Variants in KLHL1 observed in about 807,000 individuals in gnomAD.
KLHL1 encodes the protein kelch like family member 1.
KLHL1 carries 47 observed loss-of-function variants against 77.7 expected under a neutral mutation model. That is an observed-to-expected ratio of 0.60 (90% CI 0.48 to 0.77). The LOEUF is 0.77. Among genes scored for constraint, KLHL1 ranks in the 30% least tolerant of loss-of-function variants. KLHL1 has a pLI of 0.00. For missense variants in KLHL1, 925 were observed against 910.8 expected, an observed-to-expected ratio of 1.02 and a Z score of -0.20; for synonymous variants, 360 against 325.2, an observed-to-expected ratio of 1.11 and a Z score of -1.15.
intron 9 of KLHL1, among the ~76,000 whole-genome samples, chr13:69,710,745 T>A (rs953061673): frequency 9.2e-5 from 14 of 152,156 alleles, no homozygotes; most frequent in African/African-American, 3.4e-4. Context: ...TTTCAGGTTA[T>A]GTTTCTGAAA....
chr13:69,813,504 A>ACACACT lies in KLHL1; in HGVS notation c.1415-16543_1415-16542insAGTGTG, dbSNP rs756518161. Among the ~76,000 whole-genome samples the ACACACT allele has an allele frequency of 3.9e-4, 54 of 137,448 alleles. 1 individual carries two copies. The South Asian group carries it at 0.011, about 29-fold the overall frequency. 90.2% of individuals were successfully genotyped at this position (137,448 alleles called of 152,430 possible). On this transcript the variant is annotated intron_variant, in intron 6 of 10. Coordinates refer to ENST00000377844, the MANE Select transcript of KLHL1 (RefSeq NM_020866.3). ...CATACACACACACACACACACACAC[A>ACACACT]TATATATATATATAAAGACCCTAGA...
chr13:69,946,494 A>C (rs77326710), intron 3 of KLHL1, among the ~76,000 whole-genome samples: 1 of 116,714 alleles, frequency 8.6e-6, no homozygotes, highest in Non-Finnish European at 1.6e-5. Context: ...GAGGATTGTG[A>C]TTTTTTTTCT....
intron 2 of KLHL1, among the ~76,000 whole-genome samples, chr13:69,965,966 A>G (rs1408266656): frequency 2.0e-5 from 3 of 152,198 alleles, no homozygotes; most frequent in Non-Finnish European, 2.9e-5. Context: ...GTTTAGGGAA[A>G]GAAGTCTTCT....
At chr13:70,009,323 G>A (rs1885476739) in intron 1 of KLHL1, among the ~76,000 whole-genome samples, 2 of 152,140 alleles carry the variant, frequency 1.3e-5, no homozygotes, top group African/African-American at 4.8e-5. Context: ...CTTCTTGGAG[G>A]ACAGTATTCA....
intron 7 of KLHL1, among the ~76,000 whole-genome samples, chr13:69,787,479 C>G (rs1159327367): frequency 6.6e-6 from 1 of 152,144 alleles, no homozygotes; most frequent in Non-Finnish European, 1.5e-5. Context: ...GAAACTGGAT[C>G]CCTTCCTTAC....
chr13:69,802,312 C>A (rs114975446), intron 6 of KLHL1, among the ~76,000 whole-genome samples: 1 of 151,908 alleles, frequency 6.6e-6, no homozygotes, highest in African/African-American at 2.4e-5. Context: ...TTGTAAATGG[C>A]GCTGCAATAA....
intron 1 of KLHL1, among the ~76,000 whole-genome samples, chr13:70,073,067 C>A (rs889426119): frequency 6.6e-6 from 1 of 152,050 alleles, no homozygotes; most frequent in South Asian, 2.1e-4. Flanking sequence ...TGGGTATATA[C>A]CCAAAGGATT....
intron 8 of KLHL1, among the ~76,000 whole-genome samples, chr13:69,736,695 T>TATAC (rs1436911456): frequency 6.6e-6 from 1 of 151,680 alleles, no homozygotes; most frequent in Non-Finnish European, 1.5e-5. Flanking sequence ...TATATGTATA[T>TATAC]ATATATACAC....
intron 2 of KLHL1, among the ~76,000 whole-genome samples, chr13:69,972,361 A>G (rs1328122501): frequency 6.6e-6 from 1 of 151,970 alleles, no homozygotes; most frequent in Admixed American, 6.6e-5. Context: ...ATGTACAAAC[A>G]GTGAAAACAG....
intron 1 of KLHL1, among the ~76,000 whole-genome samples, chr13:70,090,812 G>A (rs1887653911): frequency 1.3e-5 from 2 of 152,062 alleles, no homozygotes; most frequent in African/African-American, 2.4e-5. Flanking sequence ...TACAACTTTC[G>A]ACTGTAGCTT....
At chr13:69,797,717 T>G (rs1877177516) in intron 6 of KLHL1, among the ~76,000 whole-genome samples, 1 of 151,090 alleles carries the variant, frequency 6.6e-6, no homozygotes, top group Admixed American at 6.6e-5. Flanking sequence ...TAGTCCCAGC[T>G]ACTCAGGAGG....
chr13:70,107,827 G>A lies in KLHL1; in HGVS notation c.-128C>T. 1.4e-6 allele frequency: 1 copy of A among 700,806 alleles called. No homozygotes were observed. The highest frequency in any genetic ancestry group is 2.8e-5 in the East Asian group (1 of 35,290). 43.4% of individuals were successfully genotyped at this position (700,806 alleles called of 1,614,324 possible). ...TGCGCCCTCTGCACCCCTAGAGCCA[G>A]AAGACGCTAGGTGGGCTGCGCGCTC... On this transcript the variant is annotated 5_prime_UTR_variant, in exon 1 of 11. Coordinates refer to ENST00000377844, the MANE Select transcript of KLHL1 (RefSeq NM_020866.3).
At chr13:70,076,852 T>C (rs1887279341) in intron 1 of KLHL1, among the ~76,000 whole-genome samples, 1 of 151,950 alleles carries the variant, frequency 6.6e-6, no homozygotes, top group South Asian at 2.1e-4. Flanking sequence ...CTTCAGCAAG[T>C]AGGGTATACA....
rs1295268459 is a variant in KLHL1 at position 70,025,333 on chromosome 13, T to C, written c.498-49531A>G. ...AATTCTCAGTGGTGATCTCATTTAG[T>C]TGACTTTGAGGTGGAATTATTTTAT... On this transcript the variant is annotated intron_variant, in intron 1 of 10. Transcript: ENST00000377844. 2.6e-5 allele frequency among the ~76,000 whole-genome samples: 4 copies of C among 152,046 alleles called. No individual in the cohort carries two copies. In the East Asian group the frequency reaches 7.7e-4, roughly 29 times the overall value.
At chr13:69,769,656 C>T (rs1875469294) in intron 7 of KLHL1, among the ~76,000 whole-genome samples, 1 of 152,116 alleles carries the variant, frequency 6.6e-6, no homozygotes. Flanking sequence ...CCTCCTCATT[C>T]CAAACATATA....
At chr13:69,837,981 T>C (rs1028735891) in intron 6 of KLHL1, among the ~76,000 whole-genome samples, 1 of 151,658 alleles carries the variant, frequency 6.6e-6, no homozygotes, top group African/African-American at 2.4e-5. Context: ...TCTTTAGGCT[T>C]CTGCATTTTC....
At chr13:70,068,040 A>G (rs1416930406) in intron 1 of KLHL1, among the ~76,000 whole-genome samples, 1 of 134,056 alleles carries the variant, frequency 7.5e-6, no homozygotes, top group Non-Finnish European at 1.6e-5. Context: ...ACGTTTTAGT[A>G]TAAGTAAAAA....
At chr13:69,842,231 GA>G (rs1330429782) in intron 5 of KLHL1, among the ~76,000 whole-genome samples, 9 of 151,138 alleles carry the variant, frequency 6.0e-5, no homozygotes, top group East Asian at 2.0e-4. Context: ...CACAACAAAG[GA>G]AAAAAATCAA....
chr13:69,741,537 T>C (rs192805853), intron 7 of KLHL1, among the ~76,000 whole-genome samples: 1 of 152,090 alleles, frequency 6.6e-6, no homozygotes, highest in Admixed American at 6.6e-5. Flanking sequence ...CAGAGTACCA[T>C]CAATTTTTGT....
Sources: allele counts gnomAD v4.1 joint callset (sites outside exome capture counted in the v4.1 genomes callset), GRCh38; gene constraint gnomAD v4.1.1; transcripts MANE v1.5; gene names NCBI Gene and HGNC (gene_info 2026-07-23, HGNC 2026-07-21).